STT3A: variants seen among roughly 807,000 people sequenced by gnomAD.
STT3A encodes dolichyl-diphosphooligosaccharide--protein glycosyltransferase subunit STT3A.
A neutral mutation model predicts 89.2 loss-of-function variants in STT3A; 34 were observed. The observed-to-expected ratio is 0.38, with a 90% CI of 0.29 to 0.51. The LOEUF (loss-of-function observed/expected upper bound fraction) is 0.51, where lower values mean the gene tolerates loss of function less well. Ranked by LOEUF, STT3A falls within the 20% of genes least tolerant of loss-of-function variation. STT3A has a pLI of 0.89. For synonymous variants in STT3A, 282 were observed against 310.3 expected, an observed-to-expected ratio of 0.91 and a Z score of 0.96; for missense variants, 555 against 889.5, an observed-to-expected ratio of 0.62 and a Z score of 4.78.
At chr11:125,611,174 C>A in intron 10 of STT3A, 2 of 286,958 alleles carry the variant, frequency 7.0e-6, no homozygotes, top group South Asian at 6.2e-5. Flanking sequence ...TAATATATTC[C>A]ATTTTATAAA....
intron 16 of STT3A, among the ~76,000 whole-genome samples, chr11:125,618,840 T>TCCTCCTGCTTCAGCCTCTTGAGTAGC (rs1359534421): frequency 4.2e-4 from 63 of 150,736 alleles, no homozygotes; most frequent in African/African-American, 1.5e-3. Context: ...GCTGAAGGAG[T>TCCTCCTGCTTCAGCCTCTTGAGTAGC]CCTCCTGCTT....
At chr11:125,616,784 C>T (rs143882773) in intron 15 of STT3A, among the ~76,000 whole-genome samples, 56 of 152,258 alleles carry the variant, frequency 3.7e-4, no homozygotes, top group African/African-American at 1.3e-3. Flanking sequence ...CTCAAGTGAT[C>T]TTCCCACCTC....
chr11:125,603,677 C>T (rs145877761), intron 5 of STT3A, among the ~76,000 whole-genome samples: 7 of 152,310 alleles, frequency 4.6e-5, no homozygotes, highest in African/African-American at 1.7e-4. Flanking sequence ...GATATTTAAG[C>T]TTTATTGCCT....
chr11:125,611,191 ATAAT>A (rs1940004092), intron 10 of STT3A: 1 of 358,518 alleles, frequency 2.8e-6, no homozygotes, highest in African/African-American at 2.1e-5. Flanking sequence ...TAAATATAGT[ATAAT>A]TAGCTCCTTG....
At chr11:125,601,503 C>T (rs1939676347) in intron 3 of STT3A, among the ~76,000 whole-genome samples, 1 of 151,978 alleles carries the variant, frequency 6.6e-6, no homozygotes, top group African/African-American at 2.4e-5. Context: ...CGCCTGTAAT[C>T]CCAGTTACTT....
At chr11:125,618,602 AGTG>A (rs1940249123) in intron 16 of STT3A, 41 bp downstream of exon 16, 1 of 1,554,110 alleles carries the variant, frequency 6.4e-7, no homozygotes, top group South Asian at 1.2e-5. Flanking sequence ...TAGTAATAAT[AGTG>A]ATTACTAATA....
chr11:125,611,386 C>G (rs1435895090), intron 10 of STT3A, 42 bp from the exon 11 acceptor site: 9 of 1,534,976 alleles, frequency 5.9e-6, no homozygotes, highest in Non-Finnish European at 8.1e-6. Context: ...AGGTTTCAAC[C>G]TACAGGACTC....
Position 125,608,248 on chromosome 11 carries a change from G to T in STT3A, c.920G>T (p.Gly307Val). The T allele has an allele frequency of 6.2e-7, 1 of 1,613,928 alleles. No individual in the cohort carries two copies. The highest frequency in any genetic ancestry group is 8.5e-7 in the Non-Finnish European group (1 of 1,179,946). Reference protein sequence around the residue: ...VLFRSVISLVGFVLLTVGALL... With the variant: ...VLFRSVISLVVFVLLTVGALL... ...TTCCGGAGCGTCATCTCTCTGGTAG[G>T]CTTTGTCCTTCTCACCGTGGGAGCT... is the stretch of plus-strand genomic sequence containing the variant. Residue 307 changes from glycine (G) to valine (V), a missense_variant, in exon 9 of 18, where the codon GGC becomes GTC. By Grantham distance (109) the Gly-to-Val change is moderately radical (BLOSUM62 -3). This residue lies in a region of STT3A where 149 missense variants were observed against 206.2 expected (regional missense o/e 0.72). Transcript: ENST00000392708.
intron 15 of STT3A, 40 bp from the exon 16 acceptor site, chr11:125,618,333 C>A: frequency 6.5e-7 from 1 of 1,544,950 alleles, no homozygotes; most frequent in Non-Finnish European, 8.7e-7. Context: ...ACTCCAGCAA[C>A]TTTTGTGATG....
intron 3 of STT3A, 58 bp downstream of exon 3, chr11:125,597,177 G>A: frequency 1.3e-6 from 2 of 1,577,904 alleles, no homozygotes; most frequent in Non-Finnish European, 1.7e-6. Flanking sequence ...AGGTTCATGG[G>A]TTTCAGATTC....
intron 11 of STT3A, 120 bp from the exon 12 acceptor site, chr11:125,612,472 C>T: frequency 8.7e-7 from 1 of 1,150,054 alleles, no homozygotes; most frequent in Middle Eastern, 2.4e-4. Flanking sequence ...TTCTCTTTCA[C>T]TTTTTGTGGA....
rs770279919 is a variant in STT3A, at chr11:125,604,158, A to G, written c.419A>G (p.Asp140Gly). 2 of 1,613,610 alleles carry G rather than the reference A, an allele frequency of 1.2e-6. No individual in the cohort carries two copies. Among genetic ancestry groups the G allele is most frequent in the African/African-American group, 1.3e-5 (1 of 74,950 alleles). Reference protein sequence around the residue: ...VTYHLTKELKDAGAGLLAAAM... With the variant: ...VTYHLTKELKGAGAGLLAAAM... ...CTTATTACCCTTTTTTTCTTACAGG[A>G]TGCAGGGGCTGGGCTTCTTGCTGCT... The change falls in exon 6 of 18, where the codon GAT (aspartate) becomes GGT (glycine). Residue 140 changes from aspartate (D) to glycine (G), a missense_variant and splice_region_variant. Around this residue, in one of 5 missense-constraint regions of STT3A, gnomAD observed 129 missense variants for 193.2 expected, o/e 0.67. Transcript: ENST00000392708.
In STT3A at chr11:125,595,782, A is replaced by G. The variant is rs1939474612; in HGVS notation, c.-35-99A>G. ...CTTGACCCTGTCTGGTGTTTTTGCT[A>G]GCTCCTACGTCCTTTATGATTCCCT... On this transcript the variant is annotated intron_variant, in intron 1 of 17. Coordinates refer to ENST00000392708, the MANE Select transcript of STT3A (RefSeq NM_152713.5). 1.7e-5 allele frequency: 11 copies of G among 644,088 alleles called. No homozygotes were observed. In the South Asian group the frequency reaches 2.1e-4, roughly 12 times the overall value. The allele number at this position is 644,088 out of a possible 1,614,324, so 39.9% of individuals were successfully genotyped here. A position where few individuals can be genotyped will look rare whatever the true frequency, so the allele number is the denominator to read the frequency against.
intron 17 of STT3A, 113 bp downstream of exon 17, chr11:125,620,239 T>C (rs1940310296): frequency 6.2e-6 from 5 of 804,720 alleles, no homozygotes; most frequent in Non-Finnish European, 9.7e-6. Flanking sequence ...ATGACACCTG[T>C]GCTTGAAAAG....
chr11:125,604,575 C>G (rs939231087), intron 6 of STT3A, among the ~76,000 whole-genome samples: 1 of 152,158 alleles, frequency 6.6e-6, no homozygotes, highest in African/African-American at 2.4e-5. Flanking sequence ...GACTTATTCT[C>G]AATTCAACAT....
At chr11:125,603,314 C>T (rs1244508309) in intron 5 of STT3A, 2 of 170,540 alleles carry the variant, frequency 1.2e-5, no homozygotes, top group Non-Finnish European at 2.5e-5. Flanking sequence ...CAGGAATGTA[C>T]TCAGCAATTA....
Position 125,606,388 on chromosome 11 carries a change from C to A in STT3A, c.703C>A (p.Arg235=). The A allele has an allele frequency of 6.2e-7, 1 of 1,614,170 alleles. No homozygotes were observed. ...VLMLTGRFSH[R]IYVAYCTVYC... ...GATGCTCACAGGCCGTTTCTCTCAC[C>A]GGATCTATGTGGCCTACTGTACTGT... is the stretch of plus-strand genomic sequence containing the variant. The change falls in exon 8 of 18, where the codon CGG becomes AGG. Residue 235 remains arginine (R), a synonymous_variant. Coordinates refer to ENST00000392708, the MANE Select transcript of STT3A (RefSeq NM_152713.5).
chr11:125,596,927 G>C (rs1262000827), intron 2 of STT3A, 132 bp from the exon 3 acceptor site: 4 of 978,586 alleles, frequency 4.1e-6, no homozygotes, highest in East Asian at 2.5e-5. Context: ...GATGGATAAA[G>C]ACTTTATTCA....
chr11:125,601,030 T>C (rs1018747003), intron 3 of STT3A, among the ~76,000 whole-genome samples: 1 of 152,220 alleles, frequency 6.6e-6, no homozygotes, highest in African/African-American at 2.4e-5. Flanking sequence ...TAAGCGATCC[T>C]CTTGCCTCAG....
Sources: allele counts gnomAD v4.1 joint callset (sites outside exome capture counted in the v4.1 genomes callset), GRCh38; gene constraint gnomAD v4.1.1; regional missense constraint gnomAD v4.1.1; transcripts MANE v1.5; gene names NCBI Gene and HGNC (gene_info 2026-07-23, HGNC 2026-07-21).